DIS3L2: variants seen among roughly 807,000 people sequenced by gnomAD.
DIS3L2 encodes the protein DIS3-like exonuclease 2.
Under a neutral mutation model 97.5 loss-of-function variants are expected in DIS3L2, and 34 were observed. The observed-to-expected ratio is 0.35, with a 90% CI of 0.27 to 0.46. DIS3L2 has a LOEUF of 0.46. Ranked by LOEUF, DIS3L2 falls within the 20% of genes least tolerant of loss-of-function variation. The pLI is 1.00. For synonymous variants in DIS3L2, 435 were observed against 445.2 expected (o/e 0.98, Z 0.29); for missense variants, 1,038 against 1,146.0 (o/e 0.91, Z 1.36).
At chr2:232,232,708 G>A (rs1217169700) in intron 10 of DIS3L2, among the ~76,000 whole-genome samples, 1 of 152,178 alleles carries the variant, frequency 6.6e-6, no homozygotes, top group Admixed American at 6.5e-5. Flanking sequence ...GGACAGCTGA[G>A]TGACAATTCT....
intron 3 of DIS3L2, among the ~76,000 whole-genome samples, chr2:232,020,956 G>T (rs1302538358): frequency 1.3e-5 from 2 of 152,108 alleles, no homozygotes; most frequent in Non-Finnish European, 2.9e-5. Context: ...GGAGAACCCT[G>T]TCCAAAGCTG....
intron 12 of DIS3L2, among the ~76,000 whole-genome samples, chr2:232,252,945 A>G (rs1042153944): frequency 6.6e-6 from 1 of 152,190 alleles, no homozygotes; most frequent in Non-Finnish European, 1.5e-5. Flanking sequence ...GATGAAAAAA[A>G]ATAAAAAACA....
At chr2:232,077,967 TTCTTTC>T (rs1158310894) in intron 5 of DIS3L2, among the ~76,000 whole-genome samples, 2 of 105,312 alleles carry the variant, frequency 1.9e-5, no homozygotes, top group African/African-American at 3.9e-5. Context: ...CTTTCTTTCT[TTCTTTC>T]TTTCTTTCTT....
intron 1 of DIS3L2, among the ~76,000 whole-genome samples, chr2:232,006,790 G>A (rs993152428): frequency 6.6e-6 from 1 of 152,222 alleles, no homozygotes; most frequent in East Asian, 1.9e-4. Flanking sequence ...CCACAAGACT[G>A]TTGTGTTCTG....
intron 12 of DIS3L2, among the ~76,000 whole-genome samples, chr2:232,250,071 C>A (rs1301725837): frequency 6.6e-6 from 1 of 152,038 alleles, no homozygotes; most frequent in Non-Finnish European, 1.5e-5. Context: ...GAAACTAGTC[C>A]CCTCCCTGCA....
At chr2:232,162,527 AC>A (rs1267051576) in intron 8 of DIS3L2, among the ~76,000 whole-genome samples, 2 of 152,224 alleles carry the variant, frequency 1.3e-5, no homozygotes, top group East Asian at 3.8e-4. Context: ...AGGAAACAGA[AC>A]CTTTTTCATA....
chr2:232,127,733 G>A (rs1447785226), intron 6 of DIS3L2, among the ~76,000 whole-genome samples: 1 of 152,148 alleles, frequency 6.6e-6, no homozygotes, highest in Admixed American at 6.5e-5. Flanking sequence ...CTCCAGCCAT[G>A]CCTCATGGTC....
chr2:232,000,613 TTTTCCTTTCC>T (rs71056250), intron 1 of DIS3L2, among the ~76,000 whole-genome samples: 6,037 of 107,270 alleles, frequency 0.056, 196 homozygotes, highest in Middle Eastern at 0.18. Flanking sequence ...CTTTCCTTTC[TTTTCCTTTCC>T]TTTCCTTTCC....
rs565961524 is a variant in DIS3L2 at position 231,984,710 on chromosome 2, C to G, written c.-94+22945C>G. On this transcript the variant is annotated intron_variant, in intron 1 of 20. Transcript: ENST00000325385. ...GCCCAGCCAACTGCAACTTCTATCT[C>G]CCAGGTTCAAGCAAATCTCCTGGCT... Among the ~76,000 whole-genome samples the G allele has an allele frequency of 3.3e-5, 5 of 152,202 alleles. No homozygotes were observed. In the South Asian group the frequency reaches 8.3e-4, roughly 25 times the overall value.
chr2:232,280,358 A>G (rs561848284), intron 13 of DIS3L2, among the ~76,000 whole-genome samples: 1 of 152,326 alleles, frequency 6.6e-6, no homozygotes, highest in Middle Eastern at 3.4e-3. Flanking sequence ...TGAAGATTGT[A>G]TCATTTGAAA....
chr2:232,337,597 G>T (rs1020974874), downstream of DIS3L2, among the ~76,000 whole-genome samples: 1 of 152,068 alleles, frequency 6.6e-6, no homozygotes, highest in African/African-American at 2.4e-5. Flanking sequence ...ACCCCAGCCT[G>T]TACTCCTTCC....
chr2:231,964,905 G>A (rs567729872), intron 1 of DIS3L2, among the ~76,000 whole-genome samples: 31 of 152,304 alleles, frequency 2.0e-4, no homozygotes, highest in African/African-American at 6.5e-4. Flanking sequence ...TGTCTCTAAA[G>A]TACAGATATA....
chr2:232,002,212 A>C (rs973761165), intron 1 of DIS3L2, among the ~76,000 whole-genome samples: 1 of 151,980 alleles, frequency 6.6e-6, no homozygotes, highest in Admixed American at 6.6e-5. Context: ...TGGGTTTTCT[A>C]TTCTGTTCCA....
intron 1 of DIS3L2, among the ~76,000 whole-genome samples, chr2:232,007,372 C>T (rs1694082802): frequency 6.6e-6 from 1 of 152,134 alleles, no homozygotes; most frequent in Admixed American, 6.6e-5. Flanking sequence ...TACTTCCGCT[C>T]TCAGTTATGG....
At chr2:232,271,095 C>T (rs1012735481) in intron 13 of DIS3L2, among the ~76,000 whole-genome samples, 5 of 152,152 alleles carry the variant, frequency 3.3e-5, no homozygotes, top group African/African-American at 4.8e-5. Context: ...TTAAAAAGTA[C>T]TTACAAGGGT....
In DIS3L2 at chr2:232,325,409, G is replaced by T. The variant is rs1334766575; in HGVS notation, c.1740-4404G>T. 2.0e-5 allele frequency among the ~76,000 whole-genome samples: 3 copies of T among 152,222 alleles called. No homozygotes were observed. Among genetic ancestry groups the T allele is most frequent in the Non-Finnish European group, 2.9e-5 (2 of 68,032 alleles). On this transcript the variant is annotated intron_variant, in intron 14 of 20. Coordinates refer to ENST00000325385, the MANE Select transcript of DIS3L2 (RefSeq NM_152383.5). The surrounding 1 kb of genome is among the most constrained non-coding windows in gnomAD (Gnocchi z 4.6). ...ACCCTTGCTGTGGGGAGTGTGTACCGTGTGCGGGGGGCTGGTGGCCTTTCT... is the reference window on the plus strand; with the variant it reads ...ACCCTTGCTGTGGGGAGTGTGTACCTTGTGCGGGGGGCTGGTGGCCTTTCT...
chr2:232,153,793 T>C (rs923422190), intron 8 of DIS3L2, among the ~76,000 whole-genome samples: 1 of 151,864 alleles, frequency 6.6e-6, no homozygotes, highest in African/African-American at 2.4e-5. Context: ...TCCTGCAGAG[T>C]GTTTTCCAAC....
intron 1 of DIS3L2, among the ~76,000 whole-genome samples, chr2:231,963,680 G>A (rs1380120417): frequency 6.6e-6 from 1 of 152,174 alleles, no homozygotes; most frequent in Non-Finnish European, 1.5e-5. Context: ...GTGTCAAGAA[G>A]TGTATTTCCT....
chr2:232,256,786 C>T (rs1334748488), intron 12 of DIS3L2, among the ~76,000 whole-genome samples: 1 of 151,626 alleles, frequency 6.6e-6, no homozygotes, highest in Non-Finnish European at 1.5e-5. Context: ...GAGAACAGAT[C>T]GAGACCCTGT....
Sources: allele counts gnomAD v4.1 joint callset (sites outside exome capture counted in the v4.1 genomes callset), GRCh38; gene constraint gnomAD v4.1.1; non-coding constraint Gnocchi (gnomAD v3.1); transcripts MANE v1.5; gene names NCBI Gene and HGNC (gene_info 2026-07-23, HGNC 2026-07-21).